Variants in EXTL3 observed in about 807,000 individuals in gnomAD.
The protein encoded by EXTL3 is exostosin like glycosyltransferase 3.
EXTL3 carries 27 observed loss-of-function variants against 69.3 expected under a neutral mutation model. The ratio of observed to expected loss-of-function variants is 0.39; its 90% CI spans 0.29 to 0.54. The LOEUF (loss-of-function observed/expected upper bound fraction) is 0.54. Ranked by LOEUF, EXTL3 falls within the 20% of genes least tolerant of loss-of-function variation. The pLI is 0.69. For synonymous variants in EXTL3, 511 were observed against 499.4 expected (o/e 1.02, Z -0.31); for missense variants, 1,003 against 1,231.8 (o/e 0.81, Z 2.78).
chr8:28,635,890 T>A (rs1358049942), intron 1 of EXTL3, among the ~76,000 whole-genome samples: 2 of 152,182 alleles, frequency 1.3e-5, no homozygotes, highest in Admixed American at 1.3e-4. Context: ...TAGAATTTTC[T>A]TTTCTTTTTT....
At chr8:28,673,407 AG>A (rs1807329904) in intron 1 of EXTL3, among the ~76,000 whole-genome samples, 3 of 152,192 alleles carry the variant, frequency 2.0e-5, no homozygotes, top group African/African-American at 7.2e-5. Flanking sequence ...TGATCGATGG[AG>A]GGCCTGAAGA....
At chr8:28,654,349 T>C (rs974106) in intron 1 of EXTL3, among the ~76,000 whole-genome samples, 1,989 of 152,312 alleles carry the variant, frequency 0.013, 56 homozygotes, top group African/African-American at 0.046. Flanking sequence ...CTGTGCTGAA[T>C]GGTTTTATTC....
intron 1 of EXTL3, among the ~76,000 whole-genome samples, chr8:28,668,930 C>G (rs1807242352): frequency 8.0e-6 from 1 of 124,812 alleles, no homozygotes; most frequent in Non-Finnish European, 1.6e-5. Flanking sequence ...TTGGCATGAT[C>G]TCAGCTCACT....
At chr8:28,671,242 A>G (rs934994540) in intron 1 of EXTL3, among the ~76,000 whole-genome samples, 8 of 151,556 alleles carry the variant, frequency 5.3e-5, no homozygotes, top group African/African-American at 9.7e-5. Context: ...TTGGCCTCCC[A>G]AAGTGCTGGG....
At chr8:28,635,527 C>T (rs1039999820) in intron 1 of EXTL3, among the ~76,000 whole-genome samples, 5 of 148,034 alleles carry the variant, frequency 3.4e-5, no homozygotes, top group Admixed American at 6.8e-5. Flanking sequence ...CAGTGAAACC[C>T]TGTGTCTACT....
intron 1 of EXTL3, among the ~76,000 whole-genome samples, chr8:28,670,500 C>T (rs1161022453): frequency 6.6e-6 from 1 of 152,100 alleles, no homozygotes; most frequent in Non-Finnish European, 1.5e-5. Context: ...GTTCGAAAAC[C>T]AGCAGGCTTG....
intron 1 of EXTL3, among the ~76,000 whole-genome samples, chr8:28,641,401 C>T (rs992913605): frequency 6.6e-6 from 1 of 152,170 alleles, no homozygotes; most frequent in Non-Finnish European, 1.5e-5. Context: ...TTGGAAAAGA[C>T]CGAGCAAGAG....
intron 1 of EXTL3, among the ~76,000 whole-genome samples, chr8:28,678,471 TG>T: frequency 6.6e-6 from 1 of 152,180 alleles, no homozygotes; most frequent in South Asian, 2.1e-4. Flanking sequence ...CTGAGAGAAC[TG>T]GTGTTAAAAA....
intron 1 of EXTL3, among the ~76,000 whole-genome samples, chr8:28,659,339 A>G (rs1158253422): frequency 6.6e-6 from 1 of 152,030 alleles, no homozygotes; most frequent in African/African-American, 2.4e-5. Flanking sequence ...AAGTGTCTGC[A>G]TTTATAAATA....
intron 2 of EXTL3, among the ~76,000 whole-genome samples, chr8:28,614,242 T>C (rs1302431878): frequency 6.6e-6 from 1 of 151,650 alleles, no homozygotes; most frequent in East Asian, 1.9e-4. Flanking sequence ...TTTTATTTGT[T>C]TTCTTCTGTT....
intron 1 of EXTL3, among the ~76,000 whole-genome samples, chr8:28,679,409 A>G (rs760518732): frequency 3.3e-5 from 5 of 152,108 alleles, no homozygotes; most frequent in Non-Finnish European, 5.9e-5. Flanking sequence ...TCGTGCCACT[A>G]CACTCCAGCC....
At chr8:28,713,045 G>A (rs1484114454) in intron 1 of EXTL3, among the ~76,000 whole-genome samples, 2 of 152,122 alleles carry the variant, frequency 1.3e-5, no homozygotes, top group South Asian at 2.1e-4. Context: ...ATTTCTACCC[G>A]CAAACATTCC....
At chr8:28,720,078 A>T (rs1801263786) in intron 3 of EXTL3, among the ~76,000 whole-genome samples, 2 of 152,254 alleles carry the variant, frequency 1.3e-5, no homozygotes, top group South Asian at 4.2e-4. Context: ...CAGATGGAGA[A>T]TTTCACTCCA....
intron 1 of EXTL3, among the ~76,000 whole-genome samples, chr8:28,660,053 A>T (rs1019213555): frequency 6.6e-6 from 1 of 152,176 alleles, no homozygotes; most frequent in East Asian, 1.9e-4. Flanking sequence ...CAATATTGAC[A>T]CTCAACTTAG....
chr8:28,730,040 A>G (rs1008112931), intron 3 of EXTL3: 2 of 152,144 alleles, frequency 1.3e-5, no homozygotes, highest in African/African-American at 4.8e-5. Flanking sequence ...CTGCATTAAG[A>G]ATATAGAATA....
Position 28,716,176 on chromosome 8 carries a change from C to T in EXTL3, c.117C>T (p.Ile39=), listed in dbSNP as rs1801140412. 1 of 1,614,080 alleles carries T rather than the reference C, an allele frequency of 6.2e-7. No individual in the cohort carries two copies. The highest frequency in any genetic ancestry group is 8.5e-7 in the Non-Finnish European group (1 of 1,180,062). The change falls in exon 3 of 7, where the codon ATC becomes ATT. Residue 39 remains isoleucine (I), a synonymous_variant. Transcript: ENST00000220562. The surrounding 1 kb of genome is among the most constrained non-coding windows in gnomAD (Gnocchi z 7.1). ...GGCTCAGCTTCACGCTCTTTGTCAT[C>T]CTGGTCTTCTTCCCGCTCATCGCCC... ...LTWLSFTLFV[I]LVFFPLIAHY... is the part of the protein sequence containing the mutation.
intron 1 of EXTL3, among the ~76,000 whole-genome samples, chr8:28,647,688 T>A (rs1268215500): frequency 6.6e-6 from 1 of 152,180 alleles, no homozygotes; most frequent in Non-Finnish European, 1.5e-5. Flanking sequence ...TCTGACATTC[T>A]TGCCAACACT....
intron 5 of EXTL3, chr8:28,740,814 C>G (rs1274108316): frequency 1.3e-5 from 2 of 151,988 alleles, no homozygotes; most frequent in South Asian, 4.1e-4. Flanking sequence ...AACGATGAAA[C>G]AAAACTTTAA....
chr8:28,745,799 T>G (rs1246994064), intron 6 of EXTL3, among the ~76,000 whole-genome samples: 1 of 152,260 alleles, frequency 6.6e-6, no homozygotes, highest in African/African-American at 2.4e-5. Flanking sequence ...GTTTCATTAG[T>G]TAAGCCATCT....
Sources: gnomAD v4.1 joint callset for allele counts (sites outside exome capture counted in the v4.1 genomes callset) on GRCh38, gnomAD v4.1.1 for gene constraint, Gnocchi (gnomAD v3.1) non-coding constraint, MANE v1.5 for transcripts, NCBI Gene and HGNC (gene_info 2026-07-23, HGNC 2026-07-21) for gene names.